TSPOAP1: variants seen among roughly 807,000 people sequenced by gnomAD.
The protein encoded by TSPOAP1 is peripheral-type benzodiazepine receptor-associated protein 1.
A neutral mutation model predicts 197.0 loss-of-function variants in TSPOAP1; 87 were observed. The ratio of observed to expected loss-of-function variants is 0.44; its 90% CI spans 0.37 to 0.53. The LOEUF (loss-of-function observed/expected upper bound fraction) is 0.53. TSPOAP1 is among the 20% of genes least tolerant of loss of function. The probability of loss-of-function intolerance (pLI) is 0.00; values close to 1 mark genes in which losing one functional copy is unlikely to be tolerated. For missense variants in TSPOAP1, 2,174 were observed against 2,411.3 expected (o/e 0.90, Z 2.06); for synonymous variants, 913 against 998.9 (o/e 0.91, Z 1.62).
chr17:58,318,557 C>T (rs1034109853), intron 13 of TSPOAP1, 105 bp from the exon 14 acceptor site: 11 of 1,155,544 alleles, frequency 9.5e-6, no homozygotes, highest in African/African-American at 9.4e-5. Context: ...CATAGCCGGG[C>T]TTCCTTACAA....
chr17:58,316,243 GT>G, intron 15 of TSPOAP1, 111 bp from the exon 16 acceptor site: 1 of 1,129,586 alleles, frequency 8.9e-7, no homozygotes, highest in Non-Finnish European at 1.3e-6. Flanking sequence ...GGTTGTGGTT[GT>G]CCACCACCAG....
chr17:58,323,415 G>C, intron 6 of TSPOAP1, 34 bp from the exon 7 acceptor site: 1 of 1,614,222 alleles, frequency 6.2e-7, no homozygotes, highest in Non-Finnish European at 8.5e-7. Context: ...CCTCATGAGG[G>C]AAGGTACATC....
At chr17:58,319,324 G>A (rs917950504) in intron 12 of TSPOAP1, 30 bp from the exon 13 acceptor site, 15 of 1,543,660 alleles carry the variant, frequency 9.7e-6, no homozygotes, top group Admixed American at 3.9e-5. Context: ...GAGCCGCCAG[G>A]CCCCTCAAAG....
rs1971493166 is a variant in TSPOAP1, at chr17:58,324,181, A to G, written c.942+630T>C. Among the ~76,000 whole-genome samples the G allele has an allele frequency of 6.6e-6, 1 of 152,170 alleles. No homozygotes were observed. The highest frequency in any genetic ancestry group is 2.4e-5 in the African/African-American group (1 of 41,448). On this transcript the variant is annotated intron_variant, in intron 5 of 31. Transcript: ENST00000343736. The surrounding 1 kb of genome is among the most constrained non-coding windows in gnomAD (Gnocchi z 5.8). ...CCCCCACCCGGAGGTCTTGGTCACT[A>G]TCAGATCACTGCCTGGTCTCTCCTC...
Position 58,309,329 on chromosome 17 carries a change from G to T in TSPOAP1, c.3943C>A (p.Gln1315Lys). The T allele has an allele frequency of 6.2e-7, 1 of 1,613,476 alleles. No homozygotes were observed. Residue 1315 changes from glutamine (Q) to lysine (K), a missense_variant, in exon 22 of 32, where the codon CAG becomes AAG. Physicochemically the swap from Gln to Lys is moderately conservative, Grantham distance 53. Coordinates refer to ENST00000343736, the MANE Select transcript of TSPOAP1 (RefSeq NM_004758.4). This position sits in a 1 kb window ranked among gnomAD's most constrained non-coding sequence, Gnocchi z 5.0. Reference sequence around the variant, plus strand: ...TGCTGGAGGGGCAGCTCCAGGATCTGCTCCAAGATCTCCTCATCGCTGTCA... The same window carrying T: ...TGCTGGAGGGGCAGCTCCAGGATCTTCTCCAAGATCTCCTCATCGCTGTCA... ...ETDSDEEILE[Q>K]ILELPLQQFC...
Position 58,326,919 on chromosome 17 carries a change from C to T in TSPOAP1, c.334-129G>A, listed in dbSNP as rs1971633101. ...AGATGAAACGGTTTCCCCTATGTCCCAGGCCTTCAGAGAGGAGCAGAGGAG... is the reference window on the plus strand; with the variant it reads ...AGATGAAACGGTTTCCCCTATGTCCTAGGCCTTCAGAGAGGAGCAGAGGAG... On this transcript the variant is annotated intron_variant, in intron 1 of 31. Coordinates refer to ENST00000343736, the MANE Select transcript of TSPOAP1 (RefSeq NM_004758.4). This position sits in a 1 kb window ranked among gnomAD's most constrained non-coding sequence, Gnocchi z 4.7. The T allele has an allele frequency of 3.9e-6, 3 of 764,960 alleles. No homozygotes were observed. Among genetic ancestry groups the T allele is most frequent in the Non-Finnish European group, 6.7e-6 (3 of 450,878 alleles). The allele number at this position is 764,960 out of a possible 1,614,324, so 47.4% of individuals were successfully genotyped here. A position where few individuals can be genotyped will look rare whatever the true frequency, so the allele number is the denominator to read the frequency against.
Position 58,309,478 on chromosome 17 carries a change from A to G in TSPOAP1, c.3892-98T>C. 2 of 1,475,612 alleles carry G rather than the reference A, an allele frequency of 1.4e-6. No individual in the cohort carries two copies. The highest frequency in any genetic ancestry group is 2.7e-5 in the South Asian group (2 of 74,688). 91.4% of individuals were successfully genotyped at this position (1,475,612 alleles called of 1,614,324 possible). A position where few individuals can be genotyped will look rare whatever the true frequency, so the allele number is the denominator to read the frequency against. On this transcript the variant is annotated intron_variant, in intron 21 of 31. Coordinates refer to ENST00000343736, the MANE Select transcript of TSPOAP1 (RefSeq NM_004758.4). The surrounding 1 kb of genome is among the most constrained non-coding windows in gnomAD (Gnocchi z 5.0). ...GCGATCTTTGCCCTCAAACGAAGGC[A>G]GGGGTTACGGACAACCCCACAGCCC... is the stretch of plus-strand genomic sequence containing the variant.
At position 58,311,625 on chromosome 17, in the gene TSPOAP1, G is replaced by T. The variant is rs1423493203; in HGVS notation, c.3027C>A (p.Gly1009=). 2 of 1,610,626 alleles carry T rather than the reference G, an allele frequency of 1.2e-6. No homozygotes were observed. The highest frequency in any genetic ancestry group is 2.2e-5 in the East Asian group (1 of 44,822). ...CTGTGACCCGGACACCGTTGGATGTGCCAGCAGCATCGATGGTGACTGGGA... is the reference window on the plus strand; with the variant it reads ...CTGTGACCCGGACACCGTTGGATGTTCCAGCAGCATCGATGGTGACTGGGA... ...SWLPVTIDAA[G]TSNGVRVTGY... The change falls in exon 18 of 32, where the codon GGC becomes GGA. Residue 1009 remains glycine, a synonymous_variant. Transcript: ENST00000343736.
chr17:58,320,840 C>T (rs1193601216), intron 10 of TSPOAP1, among the ~76,000 whole-genome samples: 1 of 152,158 alleles, frequency 6.6e-6, no homozygotes, highest in Non-Finnish European at 1.5e-5. Context: ...GTCAGCTCCC[C>T]TCTTTCCTGA....
rs942899228 is a variant in TSPOAP1 at position 58,305,435 on chromosome 17, C to T, written c.5385G>A (p.Gly1795=). Residue 1795 remains glycine, a synonymous_variant, in exon 29 of 32, where the codon GGG becomes GGA. Coordinates refer to ENST00000343736, the MANE Select transcript of TSPOAP1 (RefSeq NM_004758.4). The stretch of plus-strand genomic sequence containing the variant: ...TGCCCCCAAACACAGTAATGACATC[C>T]CCTGCCCGGAAGGGCAGCTCTGCCT... ...DVEAELPFRA[G]DVITVFGGMD... is the part of the protein sequence containing the mutation. The T allele has an allele frequency of 1.5e-5, 24 of 1,613,872 alleles. No homozygotes were observed. In the African/African-American group the frequency reaches 2.8e-4, roughly 19 times the overall value.
chr17:58,326,582 A>G lies in TSPOAP1; in HGVS notation c.441+101T>C. 5 of 1,533,186 alleles carry G rather than the reference A, an allele frequency of 3.3e-6. No homozygotes were observed. The highest frequency in any genetic ancestry group is 4.5e-6 in the Non-Finnish European group (5 of 1,119,306). The allele number at this position is 1,533,186 out of a possible 1,614,324, so 95.0% of individuals were successfully genotyped here. Reference sequence around the variant, plus strand: ...TGGGTCTCAGGATTTTGTCACCTCCATTGAGCCCCCACTTGGAAAGATGTT... The same window carrying G: ...TGGGTCTCAGGATTTTGTCACCTCCGTTGAGCCCCCACTTGGAAAGATGTT... On this transcript the variant is annotated intron_variant, in intron 2 of 31. Coordinates refer to ENST00000343736, the MANE Select transcript of TSPOAP1 (RefSeq NM_004758.4). The surrounding 1 kb of genome is among the most constrained non-coding windows in gnomAD (Gnocchi z 4.7).
rs1402626912 is a variant in TSPOAP1 at position 58,327,890 on chromosome 17, C to G, written c.31G>C (p.Gly11Arg). MEQLTTLPRP[G>R]DPGAMEPWAL... is the part of the protein sequence containing the mutation. ...CATGGCTCCATGGCTCCAGGGTCCC[C>G]AGGCCGTGGGAGGGTTGTCAGTTGC... The change falls in exon 1 of 32, where the codon GGG becomes CGG. Residue 11 changes from glycine (G) to arginine (R), a missense_variant. Coordinates refer to ENST00000343736, the MANE Select transcript of TSPOAP1 (RefSeq NM_004758.4). 2 of 1,605,174 alleles carry G rather than the reference C, an allele frequency of 1.2e-6. No homozygotes were observed. Among genetic ancestry groups the G allele is most frequent in the African/African-American group, 2.7e-5 (2 of 74,768 alleles).
In TSPOAP1 at chr17:58,323,138, C is replaced by T. The variant is rs73993655; in HGVS notation, c.1105-99G>A. On this transcript the variant is annotated intron_variant, in intron 7 of 31. Coordinates refer to ENST00000343736, the MANE Select transcript of TSPOAP1 (RefSeq NM_004758.4). ...CCCTCCTCCCAGGCAAGGCCTTCCT[C>T]CCCTGCTGGAACCTGCACCAGCCAG... The T allele has an allele frequency of 8.2e-3, 12,171 of 1,484,558 alleles. 844 individuals carry two copies. The African/African-American group carries it at 0.15, about 18-fold the overall frequency. 92.0% of individuals were successfully genotyped at this position (1,484,558 alleles called of 1,614,324 possible).
At chr17:58,308,413 C>T in intron 22 of TSPOAP1, 128 bp downstream of exon 22, 1 of 1,382,888 alleles carries the variant, frequency 7.2e-7, no homozygotes, top group Non-Finnish European at 9.6e-7. Flanking sequence ...GTGAGGGAGC[C>T]CGGAGGCCCG....
At chr17:58,327,184 GC>G (rs1295131322) in intron 1 of TSPOAP1, among the ~76,000 whole-genome samples, 1 of 151,248 alleles carries the variant, frequency 6.6e-6, no homozygotes, top group Middle Eastern at 3.2e-3. Context: ...CCAGCACCAA[GC>G]CCCCTCCCCT....
rs1188646993 is a variant in TSPOAP1, at chr17:58,312,576, C to G, written c.2245G>C (p.Gly749Arg). The G allele has an allele frequency of 6.2e-7, 1 of 1,612,182 alleles. No individual in the cohort carries two copies. The highest frequency in any genetic ancestry group is 2.2e-5 in the East Asian group (1 of 44,800). The change falls in exon 17 of 32, where the codon GGG becomes CGG. Residue 749 changes from glycine to arginine, a missense_variant. Around this residue, in one of 5 missense-constraint regions of TSPOAP1, gnomAD observed 1,933 missense variants for 2,139.0 expected, o/e 0.90. Coordinates refer to ENST00000343736, the MANE Select transcript of TSPOAP1 (RefSeq NM_004758.4). ...TGGCCCCCGCTACTGCTGCCACCCC[C>G]ACCTACACTCAGGAAACTGAGTTCA... ...GPELSFLSVG[G>R]GGSSSGGQSS... is the part of the protein sequence containing the mutation.
Position 58,326,595 on chromosome 17 carries a change from T to C in TSPOAP1, c.441+88A>G, listed in dbSNP as rs562880529. 2 of 1,545,444 alleles carry C rather than the reference T, an allele frequency of 1.3e-6. No individual in the cohort carries two copies. Among genetic ancestry groups the C allele is most frequent in the Admixed American group, 1.8e-5 (1 of 57,012 alleles). ...TTTGTCACCTCCATTGAGCCCCCAC[T>C]TGGAAAGATGTTCATGGGGTGAGGA... On this transcript the variant is annotated intron_variant, in intron 2 of 31. Transcript: ENST00000343736. This position sits in a 1 kb window ranked among gnomAD's most constrained non-coding sequence, Gnocchi z 4.7.
rs565971053 is a variant in TSPOAP1 at position 58,322,843 on chromosome 17, G to A, written c.1195-67C>T. On this transcript the variant is annotated intron_variant, in intron 8 of 31. Coordinates refer to ENST00000343736, the MANE Select transcript of TSPOAP1 (RefSeq NM_004758.4). The surrounding 1 kb of genome is among the most constrained non-coding windows in gnomAD (Gnocchi z 5.0). ...TGACCCACCAGCACCCTCACAGGGG[G>A]AACAGTACCCTACCCCTGCTCAGGG... 7.5e-6 allele frequency: 12 copies of A among 1,607,074 alleles called. No individual in the cohort carries two copies. In the South Asian group the frequency reaches 1.1e-4, roughly 15 times the overall value.
chr17:58,318,010 A>C (rs569912276), intron 14 of TSPOAP1, among the ~76,000 whole-genome samples: 1 of 152,278 alleles, frequency 6.6e-6, no homozygotes, highest in East Asian at 1.9e-4. Context: ...TGTCTCCTCC[A>C]TCCAGCCCAG....
Sources: gnomAD v4.1 joint callset for allele counts (sites outside exome capture counted in the v4.1 genomes callset) on GRCh38, gnomAD v4.1.1 for gene constraint, gnomAD v4.1.1 regional missense constraint, Gnocchi (gnomAD v3.1) non-coding constraint, MANE v1.5 for transcripts, NCBI Gene and HGNC (gene_info 2026-07-23, HGNC 2026-07-21) for gene names.